The following PUS10 variants were observed in gnomAD, a reference collection of about 807,000 sequenced individuals.
PUS10 encodes the protein pseudouridine synthase 10.
A neutral mutation model predicts 75.0 loss-of-function variants in PUS10; 59 were observed. The observed-to-expected ratio is 0.79, with a 90% CI of 0.64 to 0.98. The LOEUF is 0.98. Among genes scored for constraint, PUS10 ranks in the 50% least tolerant of loss-of-function variants. The pLI is 0.00. For synonymous variants in PUS10, 219 were observed against 211.6 expected (o/e 1.03, Z -0.30); for missense variants, 650 against 614.4 (o/e 1.06, Z -0.61).
At chr2:60,961,606 C>T (rs1323361621) in intron 9 of PUS10, 58 bp from the exon 10 acceptor site, 3 of 1,416,556 alleles carry the variant, frequency 2.1e-6, no homozygotes, top group Non-Finnish European at 3.0e-6. Context: ...AATCACAAAA[C>T]TTAGATGAAT....
At position 61,018,135 on chromosome 2, in the gene PUS10, C is replaced by T. The variant is rs1680138645; in HGVS notation, c.-143G>A. Reference sequence around the variant, plus strand: ...GAAAGAAAGGGGGGCGGCTTCCTACCTACCGCTTCTGTTTTCACTTTGACA... The same window carrying T: ...GAAAGAAAGGGGGGCGGCTTCCTACTTACCGCTTCTGTTTTCACTTTGACA... On this transcript the variant is annotated 5_prime_UTR_variant, in exon 1 of 18. Transcript: ENST00000316752. 2 of 1,549,678 alleles carry T rather than the reference C, an allele frequency of 1.3e-6. No individual in the cohort carries two copies. The highest frequency in any genetic ancestry group is 1.2e-5 in the South Asian group (1 of 83,996).
At chr2:61,017,943 C>A in intron 1 of PUS10, 65 bp downstream of exon 1, 1 of 1,392,336 alleles carries the variant, frequency 7.2e-7, no homozygotes. Flanking sequence ...GGAGGTATTC[C>A]CTTCCCCCCT....
intron 16 of PUS10, among the ~76,000 whole-genome samples, chr2:60,945,982 T>C (rs1406984699): frequency 6.6e-6 from 1 of 152,238 alleles, no homozygotes; most frequent in Non-Finnish European, 1.5e-5. Context: ...TATATTATAA[T>C]ATGCTGATAT....
intron 4 of PUS10, among the ~76,000 whole-genome samples, chr2:60,994,036 G>C (rs1364596596): frequency 5.9e-5 from 9 of 152,030 alleles, no homozygotes; most frequent in African/African-American, 9.7e-5. Context: ...TGATCTGCCT[G>C]CCTCGGCCTC....
intron 4 of PUS10, among the ~76,000 whole-genome samples, chr2:60,974,510 C>T (rs1007915467): frequency 6.6e-6 from 1 of 152,180 alleles, no homozygotes; most frequent in Non-Finnish European, 1.5e-5. Context: ...CTGAAACACG[C>T]CCCTTGCTCA....
chr2:60,969,684 CT>C (rs1424667956), intron 5 of PUS10, among the ~76,000 whole-genome samples: 1 of 152,200 alleles, frequency 6.6e-6, no homozygotes, highest in Non-Finnish European at 1.5e-5. Flanking sequence ...CCAGAATGAA[CT>C]AGGGACACTG....
chr2:61,000,361 T>G (rs1678771417), intron 4 of PUS10, among the ~76,000 whole-genome samples: 1 of 152,212 alleles, frequency 6.6e-6, no homozygotes, highest in Non-Finnish European at 1.5e-5. Flanking sequence ...CTTAATCCTC[T>G]AAATGTGTAT....
Position 60,962,870 on chromosome 2 carries a change from T to C in PUS10, c.744A>G (p.Ala248=). Residue 248 remains alanine, a synonymous_variant, in exon 9 of 18, where the codon GCA becomes GCG. Transcript: ENST00000316752. ...KNKQSVFTRM[A]VMKALNKIKE... ...TTATCTTATTCAAGGCTTTCATAAC[T>C]GCCATTCTAGTGAATACAGACTATA... 1 of 1,570,238 alleles carries C rather than the reference T, an allele frequency of 6.4e-7. No individual in the cohort carries two copies. The highest frequency in any genetic ancestry group is 8.6e-7 in the Non-Finnish European group (1 of 1,164,518).
chr2:60,948,098 T>G lies in PUS10; in HGVS notation c.1396A>C (p.Thr466Pro), dbSNP rs1163519420. The change falls in exon 16 of 18, where the codon ACA (threonine) becomes CCA (proline). Residue 466 changes from threonine to proline, a missense_variant. Physicochemically the swap from Thr to Pro is conservative, Grantham distance 38. Coordinates refer to ENST00000316752, the MANE Select transcript of PUS10 (RefSeq NM_144709.4). ...AAGTGGTGCTCATCCACGTACTGTG[T>G]CTCCATGAAGTGAATGACGCGAGCT... ...VRARVIHFME[T>P]QYVDEHHFRL... 6 of 1,613,930 alleles carry G rather than the reference T, an allele frequency of 3.7e-6. No individual in the cohort carries two copies. The highest frequency in any genetic ancestry group is 5.1e-6 in the Non-Finnish European group (6 of 1,180,000).
At chr2:60,974,850 C>A (rs1676934849) in intron 4 of PUS10, among the ~76,000 whole-genome samples, 1 of 152,238 alleles carries the variant, frequency 6.6e-6, no homozygotes, top group African/African-American at 2.4e-5. Context: ...TTGCCCTTGG[C>A]AGGCATCAGA....
At position 60,970,852 on chromosome 2, in the gene PUS10, T is replaced by C. The variant is rs1676615393; in HGVS notation, c.503+671A>G. Reference sequence around the variant, plus strand: ...TATTTACTTTTTATCTTTTATGACATAGTTTTATAGTTTAGTTTCTAAGAC... The same window carrying C: ...TATTTACTTTTTATCTTTTATGACACAGTTTTATAGTTTAGTTTCTAAGAC... On this transcript the variant is annotated intron_variant, in intron 5 of 17. Coordinates refer to ENST00000316752, the MANE Select transcript of PUS10 (RefSeq NM_144709.4). Among the ~76,000 whole-genome samples, 3 of 152,324 alleles carry C rather than the reference T, an allele frequency of 2.0e-5. No homozygotes were observed. The South Asian group carries it at 6.2e-4, about 32-fold the overall frequency.
At chr2:61,010,458 C>T (rs1359907710) in intron 2 of PUS10, 1 of 207,198 alleles carries the variant, frequency 4.8e-6, no homozygotes, top group Non-Finnish European at 1.0e-5. Flanking sequence ...TCCCAAGTAG[C>T]TGGGATCACA....
intron 17 of PUS10, among the ~76,000 whole-genome samples, chr2:60,943,910 A>G (rs6706689): frequency 0.47 from 71,864 of 151,542 alleles, 19,023 homozygotes; most frequent in Middle Eastern, 0.63. Flanking sequence ...TGAGAATTAA[A>G]GTAAAAAAAG....
At chr2:61,001,053 G>A (rs930138649) in intron 4 of PUS10, among the ~76,000 whole-genome samples, 3 of 152,184 alleles carry the variant, frequency 2.0e-5, no homozygotes, top group African/African-American at 7.2e-5. Flanking sequence ...CATTTTCCTC[G>A]ACATAAAGGA....
At chr2:60,962,933 G>T in intron 8 of PUS10, 43 bp from the exon 9 acceptor site, 2 of 1,509,718 alleles carry the variant, frequency 1.3e-6, no homozygotes, top group South Asian at 1.3e-5. Flanking sequence ...TTATTATCCA[G>T]ACAAGAAAAC....
chr2:60,952,901 A>G (rs566159999), intron 15 of PUS10, 96 bp downstream of exon 15: 2 of 732,534 alleles, frequency 2.7e-6, no homozygotes, highest in East Asian at 5.2e-5. Flanking sequence ...CCCAAAGCCC[A>G]TGCCCTGTGA....
At chr2:60,995,855 G>A (rs1678427281) in intron 4 of PUS10, among the ~76,000 whole-genome samples, 1 of 152,152 alleles carries the variant, frequency 6.6e-6, no homozygotes, top group Non-Finnish European at 1.5e-5. Flanking sequence ...GCTACCTCAT[G>A]TTCTGAATGC....
chr2:61,017,686 T>G, intron 1 of PUS10: 1 of 1,246,652 alleles, frequency 8.0e-7, no homozygotes, highest in Non-Finnish European at 1.1e-6. Flanking sequence ...CGTTGTGTCT[T>G]ACGCTCCAGG....
chr2:61,010,018 A>G (rs1480628399), intron 2 of PUS10: 2 of 152,338 alleles, frequency 1.3e-5, no homozygotes, highest in Non-Finnish European at 2.9e-5. Flanking sequence ...ATGTACATAC[A>G]TAGTTACATG....
Sources: allele counts gnomAD v4.1 joint callset (sites outside exome capture counted in the v4.1 genomes callset), GRCh38; gene constraint gnomAD v4.1.1; transcripts MANE v1.5; gene names NCBI Gene and HGNC (gene_info 2026-07-23, HGNC 2026-07-21).